The following TEX36 variants were observed in gnomAD, a reference collection of about 807,000 sequenced individuals.
TEX36 encodes the protein testis-expressed protein 36.
Under a neutral mutation model 13.6 loss-of-function variants are expected in TEX36, and 12 were observed. The ratio of observed to expected loss-of-function variants is 0.88; its 90% CI spans 0.56 to 1.43. The LOEUF (loss-of-function observed/expected upper bound fraction) is 1.43, where lower values mean the gene tolerates loss of function less well. Ranked by LOEUF, TEX36 falls within the 40% of genes most tolerant of loss-of-function variation. The probability of loss-of-function intolerance (pLI) is 0.00; values close to 1 mark genes in which losing one functional copy is unlikely to be tolerated. For missense variants in TEX36, 224 were observed against 228.3 expected (o/e 0.98, Z 0.12); for synonymous variants, 93 against 83.0 (o/e 1.12, Z -0.65).
At chr10:125,675,803 C>T (rs1412833032) in intron 1 of TEX36, among the ~76,000 whole-genome samples, 1 of 152,172 alleles carries the variant, frequency 6.6e-6, no homozygotes, top group Non-Finnish European at 1.5e-5. Flanking sequence ...GTAGGAACCT[C>T]CAACCACAGC....
At chr10:125,644,840 TC>T (rs1846743673) in intron 3 of TEX36, among the ~76,000 whole-genome samples, 1 of 152,332 alleles carries the variant, frequency 6.6e-6, no homozygotes, top group Admixed American at 6.5e-5. Context: ...AATCAGGTGA[TC>T]CCCTTAAAAA....
intron 1 of TEX36, among the ~76,000 whole-genome samples, chr10:125,668,309 G>A (rs1167857268): frequency 6.7e-6 from 1 of 148,636 alleles, no homozygotes; most frequent in African/African-American, 2.6e-5. Context: ...TTTGTTGGGA[G>A]ATTTTTTTTT....
chr10:125,636,143 G>C (rs1268721000), intron 3 of TEX36, among the ~76,000 whole-genome samples: 1 of 150,224 alleles, frequency 6.7e-6, no homozygotes, highest in Non-Finnish European at 1.5e-5. Context: ...CCAAAGTGCT[G>C]GGATTATAGG....
chr10:125,607,297 C>T (rs561330427), intron 3 of TEX36, among the ~76,000 whole-genome samples: 1 of 152,288 alleles, frequency 6.6e-6, no homozygotes, highest in South Asian at 2.1e-4. Context: ...CAAGCAAGTG[C>T]CCCCAGGTTG....
At chr10:125,670,548 T>A (rs1323148561) in intron 1 of TEX36, among the ~76,000 whole-genome samples, 1 of 152,166 alleles carries the variant, frequency 6.6e-6, no homozygotes, top group Non-Finnish European at 1.5e-5. Flanking sequence ...TGCCTGTTCA[T>A]TCTGATGATA....
intron 1 of TEX36, among the ~76,000 whole-genome samples, chr10:125,675,878 G>A (rs1847302490): frequency 6.6e-6 from 1 of 152,074 alleles, no homozygotes; most frequent in East Asian, 1.9e-4. Context: ...ATTGACCCAG[G>A]GGTCATTCAG....
At chr10:125,590,276 AT>A (rs1846005919) in intron 3 of TEX36, among the ~76,000 whole-genome samples, 2 of 151,898 alleles carry the variant, frequency 1.3e-5, no homozygotes, top group East Asian at 1.9e-4. Flanking sequence ...CACCCAGCTA[AT>A]TTTTTAAAAA....
At chr10:125,644,393 T>C (rs866265144) in intron 3 of TEX36, among the ~76,000 whole-genome samples, 1 of 151,826 alleles carries the variant, frequency 6.6e-6, no homozygotes, top group Admixed American at 6.6e-5. Flanking sequence ...AGAGATATAA[T>C]TGAAAAAAAA....
intron 3 of TEX36, among the ~76,000 whole-genome samples, chr10:125,657,401 G>T (rs1846966063): frequency 6.6e-6 from 1 of 152,180 alleles, no homozygotes; most frequent in African/African-American, 2.4e-5. Flanking sequence ...GTAGGGAGAA[G>T]AGGAGAGTGG....
At chr10:125,604,822 T>C (rs61873469) in intron 3 of TEX36, among the ~76,000 whole-genome samples, 5,540 of 150,518 alleles carry the variant, frequency 0.037, 145 homozygotes, top group Admixed American at 0.076. Flanking sequence ...AAAAAAGAAA[T>C]AGAGAGAGAA....
At chr10:125,576,940 A>C in intron 3 of TEX36, 1 of 1,527,922 alleles carries the variant, frequency 6.5e-7, no homozygotes, top group Non-Finnish European at 8.8e-7. Context: ...TAGTTCAGCA[A>C]TCAGAGAGGA....
chr10:125,588,181 T>C (rs1201494273), intron 3 of TEX36, among the ~76,000 whole-genome samples: 2 of 152,250 alleles, frequency 1.3e-5, no homozygotes, highest in Admixed American at 1.3e-4. Context: ...ATTTGTAATT[T>C]GGATAGAACT....
At chr10:125,589,689 C>T (rs896019615) in intron 3 of TEX36, among the ~76,000 whole-genome samples, 1 of 152,192 alleles carries the variant, frequency 6.6e-6, no homozygotes, top group Non-Finnish European at 1.5e-5. Flanking sequence ...CCTAAACTAT[C>T]TTTGCATTCC....
intron 3 of TEX36, among the ~76,000 whole-genome samples, chr10:125,605,726 C>T (rs541753274): frequency 1.1e-3 from 164 of 152,192 alleles, no homozygotes; most frequent in African/African-American, 3.7e-3. Context: ...CTCAGCCTAC[C>T]GAGTAGCTGG....
intron 3 of TEX36, among the ~76,000 whole-genome samples, chr10:125,589,388 TA>T (rs966235311): frequency 2.0e-5 from 3 of 152,176 alleles, no homozygotes; most frequent in African/African-American, 7.2e-5. Flanking sequence ...AGAAAAGCAT[TA>T]AAAAATAGGG....
At chr10:125,678,677 CA>C (rs1213909259) in intron 1 of TEX36, among the ~76,000 whole-genome samples, 2 of 152,038 alleles carry the variant, frequency 1.3e-5, no homozygotes, top group African/African-American at 4.8e-5. Flanking sequence ...ATGGGCTGGG[CA>C]GGCCAGTCTC....
chr10:125,577,983 T>G (rs1168433477), intron 3 of TEX36, among the ~76,000 whole-genome samples: 1 of 152,260 alleles, frequency 6.6e-6, no homozygotes, highest in Non-Finnish European at 1.5e-5. Flanking sequence ...TATGAGAGCA[T>G]GCCTTGAAAT....
Position 125,661,940 on chromosome 10 carries a change from G to A in TEX36, c.89C>T (p.Ser30Phe). ...CTCTTTTGACGTAGCACTGGTGATG[G>A]ATTCTGGTGTCTTTTGCGTTAGCCC... ...HIGLTQKTPE[S>F]ITSATSKEPQ... The change falls in exon 2 of 4, where the codon TCC (serine) becomes TTC (phenylalanine). Residue 30 changes from serine (S) to phenylalanine (F), a missense_variant. Physicochemically the swap from Ser to Phe is radical, Grantham distance 155 (BLOSUM62 -2). Transcript: ENST00000368821. 1 of 1,552,338 alleles carries A rather than the reference G, an allele frequency of 6.4e-7. No individual in the cohort carries two copies. Among genetic ancestry groups the A allele is most frequent in the South Asian group, 1.2e-5 (1 of 84,060 alleles).
chr10:125,647,555 C>CA (rs757082472), intron 3 of TEX36, among the ~76,000 whole-genome samples: 30 of 152,102 alleles, frequency 2.0e-4, no homozygotes, highest in Non-Finnish European at 4.1e-4. Context: ...GAGAAGATTC[C>CA]AAGATGGCCG....
Sources: gnomAD v4.1 joint callset for allele counts (sites outside exome capture counted in the v4.1 genomes callset) on GRCh38, gnomAD v4.1.1 for gene constraint, MANE v1.5 for transcripts, NCBI Gene and HGNC (gene_info 2026-07-23, HGNC 2026-07-21) for gene names.